Variants in SSC5D observed in about 807,000 individuals in gnomAD.
The protein encoded by SSC5D is scavenger receptor cysteine rich family member with 5 domains.
SSC5D carries 106 observed loss-of-function variants against 104.6 expected under a neutral mutation model. The observed-to-expected ratio is 1.01, with a 90% confidence interval of 0.87 to 1.19. The LOEUF is 1.19. SSC5D is among the 50% of genes most tolerant of loss of function. The pLI, the probability that SSC5D is intolerant of heterozygous loss-of-function variation, is 0.00. For missense variants in SSC5D, 1,993 were observed against 2,153.8 expected, an observed-to-expected ratio of 0.93 and a Z score of 1.48; for synonymous variants, 860 against 883.5, an observed-to-expected ratio of 0.97 and a Z score of 0.47.
intron 12 of SSC5D, among the ~76,000 whole-genome samples, chr19:55,512,132 AGAGCTTGCAGT>A (rs746451247): frequency 5.2e-4 from 79 of 151,226 alleles, no homozygotes; most frequent in Non-Finnish European, 9.3e-4. Context: ...CCCGGGAGGC[AGAGCTTGCAGT>A]GAGCCGATAT....
At chr19:55,512,858 G>C (rs1051680772) in intron 12 of SSC5D, among the ~76,000 whole-genome samples, 153 bp from the exon 13 acceptor site, 3 of 152,158 alleles carry the variant, frequency 2.0e-5, no homozygotes, top group Non-Finnish European at 2.9e-5. Context: ...CAGCTGAATG[G>C]AGAAGGTCTC....
chr19:55,490,069 C>A, intron 4 of SSC5D, 74 bp downstream of exon 4: 2 of 726,124 alleles, frequency 2.8e-6, no homozygotes, highest in East Asian at 4.4e-5. Flanking sequence ...AGAGGGACTG[C>A]CCTGCCAACC....
At chr19:55,514,447 A>G (rs35008111) in intron 13 of SSC5D, among the ~76,000 whole-genome samples, 4,292 of 72,282 alleles carry the variant, frequency 0.059, 270 homozygotes, top group African/African-American at 0.16. Flanking sequence ...AATAATAATA[A>G]TAATAATAAT....
At chr19:55,507,178 A>C (rs1987654219) in intron 12 of SSC5D, among the ~76,000 whole-genome samples, 1 of 150,844 alleles carries the variant, frequency 6.6e-6, no homozygotes, top group Non-Finnish European at 1.5e-5. Context: ...AAATAAATAA[A>C]TAAAAATAAA....
chr19:55,511,835 C>A (rs1020071313), intron 12 of SSC5D, among the ~76,000 whole-genome samples: 1 of 152,166 alleles, frequency 6.6e-6, no homozygotes, highest in Non-Finnish European at 1.5e-5. Context: ...TTTTAAGAGG[C>A]CTCCAGGATC....
In SSC5D at chr19:55,517,983, C is replaced by G. The variant is rs780796210; in HGVS notation, c.3707C>G (p.Ser1236Cys). The G allele has an allele frequency of 1.3e-6, 2 of 1,519,204 alleles. No individual in the cohort carries two copies. The highest frequency in any genetic ancestry group is 1.8e-6 in the Non-Finnish European group (2 of 1,136,850). The allele number at this position is 1,519,204 out of a possible 1,614,324, so 94.1% of individuals were successfully genotyped here. The part of the protein sequence containing the change: ...TTMQPTTTPH[S>C]TTPHPTTTPH... ...ATGCAGCCCACCACAACCCCTCACT[C>G]CACAACCCCTCACCCCACCACGACC... is the stretch of plus-strand genomic sequence containing the variant. The change falls in exon 14 of 14, where the codon TCC becomes TGC. Residue 1236 changes from serine (S) to cysteine (C), a missense_variant. Physicochemically the swap from Ser to Cys is moderately radical, Grantham distance 112. Coordinates refer to ENST00000389623, the MANE Select transcript of SSC5D (RefSeq NM_001144950.2).
At chr19:55,488,872 ATGTG>A in intron 1 of SSC5D, 130 bp from the exon 2 acceptor site, 18 of 130,596 alleles carry the variant, frequency 1.4e-4, no homozygotes, top group East Asian at 1.3e-3. Flanking sequence ...AGCCAAGCCC[ATGTG>A]TGTGTGTGTG....
Position 55,503,501 on chromosome 19 carries a change from A to T in SSC5D, c.2785+2300A>T, listed in dbSNP as rs1987563860. On this transcript the variant is annotated intron_variant, in intron 12 of 13. Transcript: ENST00000389623. The surrounding 1 kb of genome is among the most constrained non-coding windows in gnomAD (Gnocchi z 4.0). ...CTTCTCTCTCCCCCTCGTTTCTCTC[A>T]TGGTCAGCCCCCTTCCCTCCGTTTC... Among the ~76,000 whole-genome samples, 1 of 149,982 alleles carries T rather than the reference A, an allele frequency of 6.7e-6. No individual in the cohort carries two copies. The highest frequency in any genetic ancestry group is 6.6e-5 in the Admixed American group (1 of 15,098).
At chr19:55,489,248 G>C in intron 2 of SSC5D, 106 bp from the exon 3 acceptor site, 1 of 1,283,154 alleles carries the variant, frequency 7.8e-7, no homozygotes, top group Non-Finnish European at 1.0e-6. Context: ...AGGGCCACTG[G>C]CCTACAGACA....
At position 55,518,594 on chromosome 19, in the gene SSC5D, C is replaced by A. The variant is rs540008239; in HGVS notation, c.4318C>A (p.Pro1440Thr). The A allele has an allele frequency of 3.3e-6, 5 of 1,534,440 alleles. No homozygotes were observed. The highest frequency in any genetic ancestry group is 3.5e-6 in the Non-Finnish European group (4 of 1,138,196). ...SASDLTVSPD[P>T]LLSPTAHPLD... is the part of the protein sequence containing the mutation. ...CTCTGACCTTACTGTGTCCCCTGACCCCCTCCTTTCCCCCACAGCCCACCC... is the reference window on the plus strand; with the variant it reads ...CTCTGACCTTACTGTGTCCCCTGACACCCTCCTTTCCCCCACAGCCCACCC... Residue 1440 changes from proline to threonine, a missense_variant, in exon 14 of 14, where the codon CCC becomes ACC. Coordinates refer to ENST00000389623, the MANE Select transcript of SSC5D (RefSeq NM_001144950.2).
rs1374986974 is a variant in SSC5D at position 55,489,008 on chromosome 19, G to A, written c.28G>A (p.Ala10Thr). Residue 10 changes from alanine (A) to threonine (T), a missense_variant and splice_region_variant, in exon 2 of 14, where the codon GCC (alanine) becomes ACC (threonine). Physicochemically the swap from Ala to Thr is moderately conservative, Grantham distance 58. Coordinates refer to ENST00000389623, the MANE Select transcript of SSC5D (RefSeq NM_001144950.2). ...CCACCCTCCGCCCTCCCTTCCAGCG[G>A]CCCTGGTGGGGATCCAGGCTGTTGG... MRVLACLLA[A>T]LVGIQAVERL... The A allele has an allele frequency of 5.3e-6, 8 of 1,505,324 alleles. No homozygotes were observed. In the Admixed American group the frequency reaches 6.9e-5, roughly 13 times the overall value. 93.2% of individuals were successfully genotyped at this position (1,505,324 alleles called of 1,614,324 possible). A position where few individuals can be genotyped will look rare whatever the true frequency, so the allele number is the denominator to read the frequency against.
In SSC5D at chr19:55,500,799, G is replaced by A; in HGVS notation, c.2612G>A (p.Cys871Tyr). 6.5e-7 allele frequency: 1 copy of A among 1,547,606 alleles called. No individual in the cohort carries two copies. Among genetic ancestry groups the A allele is most frequent in the Non-Finnish European group, 8.7e-7 (1 of 1,143,812 alleles). Residue 871 changes from cysteine to tyrosine, a missense_variant, in exon 11 of 14, where the codon TGC becomes TAC. Around this residue, in one of 6 missense-constraint regions of SSC5D, gnomAD observed 423 missense variants for 409.2 expected, o/e 1.03. Coordinates refer to ENST00000389623, the MANE Select transcript of SSC5D (RefSeq NM_001144950.2). This position sits in a 1 kb window ranked among gnomAD's most constrained non-coding sequence, Gnocchi z 4.6. ...CACGAGGAAGACGTGGGGCTCACCT[G>A]CACTGGTACCAGGGCATGGCGGCGG... ...CDHEEDVGLTCTGYTDYDDYP... is the reference protein window; with the variant it reads ...CDHEEDVGLTYTGYTDYDDYP...
chr19:55,495,233 A>ATATATATATTTT lies in SSC5D; in HGVS notation c.1387+451_1387+452insATATATATTTTT, dbSNP rs1555765051. On this transcript the variant is annotated intron_variant, in intron 8 of 13. Coordinates refer to ENST00000389623, the MANE Select transcript of SSC5D (RefSeq NM_001144950.2). The stretch of plus-strand genomic sequence containing the variant: ...CCTCCTTTCATATATATATATATAT[A>ATATATATATTTT]TTTTTTTTTTTTTTTTTTTTTTTTT... Among the ~76,000 whole-genome samples the ATATATATATTTT allele has an allele frequency of 1.8e-4, 9 of 50,664 alleles. 1 individual carries two copies. The highest frequency in any genetic ancestry group is 6.8e-4 in the African/African-American group (7 of 10,228). The allele number at this position is 50,664 out of a possible 152,430, so 33.2% of individuals were successfully genotyped here.
chr19:55,501,711 C>T (rs12461578), intron 12 of SSC5D, among the ~76,000 whole-genome samples: 25,329 of 152,154 alleles, frequency 0.17, 2,434 homozygotes, highest in East Asian at 0.4. Context: ...TCCCCCTCTG[C>T]TCTATGGCCT....
chr19:55,498,138 C>T lies in SSC5D; in HGVS notation c.1646C>T (p.Ala549Val), dbSNP rs1364371419. Residue 549 changes from alanine (A) to valine (V), a missense_variant, in exon 9 of 14, where the codon GCT (alanine) becomes GTT (valine). Around this residue, in one of 6 missense-constraint regions of SSC5D, gnomAD observed 1,101 missense variants for 1,085.0 expected, o/e 1.01. Coordinates refer to ENST00000389623, the MANE Select transcript of SSC5D (RefSeq NM_001144950.2). ...GAGGCTTCACTGTCCGACTGCCCTG[C>T]TGCTCCCTGGGGAAAGCACAACTGC... Reference protein sequence around the residue: ...GTEASLSDCPAAPWGKHNCAH... With the variant: ...GTEASLSDCPVAPWGKHNCAH... The T allele has an allele frequency of 6.4e-7, 1 of 1,551,766 alleles. No individual in the cohort carries two copies. The highest frequency in any genetic ancestry group is 2.0e-5 in the Admixed American group (1 of 51,006).
intron 12 of SSC5D, among the ~76,000 whole-genome samples, chr19:55,504,799 C>G (rs1163121888): frequency 6.6e-6 from 1 of 152,072 alleles, no homozygotes; most frequent in Admixed American, 6.6e-5. Flanking sequence ...GCCCGGCCAC[C>G]TGTTTCTTTC....
In SSC5D at chr19:55,499,868, T is replaced by C; in HGVS notation, c.1758T>C (p.Pro586=). The C allele has an allele frequency of 1.3e-6, 2 of 1,551,554 alleles. No homozygotes were observed. The highest frequency in any genetic ancestry group is 1.2e-5 in the South Asian group (1 of 84,046). Residue 586 remains proline (P), a synonymous_variant, in exon 10 of 14, where the codon CCT becomes CCC. Transcript: ENST00000389623. The part of the protein sequence containing the change: ...ISDPFSWSWI[P]GLGRDRDAWL... ...ACCCCTTCAGCTGGAGCTGGATTCC[T>C]GGACTGGGGAGAGATCGGGATGCCT...
chr19:55,494,047 T>C lies in SSC5D; in HGVS notation c.1213+135T>C, dbSNP rs573369664. 2.7e-5 allele frequency: 23 copies of C among 858,458 alleles called. No homozygotes were observed. In the African/African-American group the frequency reaches 2.8e-4, roughly 10 times the overall value. 53.2% of individuals were successfully genotyped at this position (858,458 alleles called of 1,614,324 possible). ...CCGGACTTTCCACTCCCCCATCTTA[T>C]TCCCCTCTGAATCCTCACCCTGCGT... On this transcript the variant is annotated intron_variant, in intron 7 of 13. Coordinates refer to ENST00000389623, the MANE Select transcript of SSC5D (RefSeq NM_001144950.2).
At chr19:55,488,983 C>CCACCCT in intron 1 of SSC5D, 23 bp from the exon 2 acceptor site, 2 of 1,305,704 alleles carry the variant, frequency 1.5e-6, no homozygotes, top group Non-Finnish European at 2.0e-6. Context: ...TCACACTGCC[C>CCACCCT]CACCCTCCGC....
Sources: gnomAD v4.1 joint callset for allele counts (sites outside exome capture counted in the v4.1 genomes callset) on GRCh38, gnomAD v4.1.1 for gene constraint, gnomAD v4.1.1 regional missense constraint, Gnocchi (gnomAD v3.1) non-coding constraint, MANE v1.5 for transcripts, NCBI Gene and HGNC (gene_info 2026-07-23, HGNC 2026-07-21) for gene names.